RBFOX1: variants seen among roughly 807,000 people sequenced by gnomAD.
RBFOX1 encodes RNA binding protein fox-1 homolog 1.
A neutral mutation model predicts 57.7 loss-of-function variants in RBFOX1; 8 were observed. The ratio of observed to expected loss-of-function variants is 0.14; its 90% CI spans 0.08 to 0.25. The LOEUF (loss-of-function observed/expected upper bound fraction) is 0.25, where lower values mean the gene tolerates loss of function less well. RBFOX1 is among the 10% of genes least tolerant of loss of function. RBFOX1 has a pLI of 1.00. For synonymous variants in RBFOX1, 326 were observed against 222.4 expected (o/e 1.47, Z -4.15); for missense variants, 611 against 548.5 (o/e 1.11, Z -1.14).
chr16:5,856,207 A>ATGTGTATATATATGTATATATATATG (rs1567630990), intron 3 of RBFOX1, among the ~76,000 whole-genome samples: 2 of 31,414 alleles, frequency 6.4e-5, no homozygotes, highest in African/African-American at 2.4e-4. Context: ...ATATATATAT[A>ATGTGTATATATATGTATATATATATG]CATATATATG....
At chr16:7,705,272 C>T (rs561216006) in intron 14 of RBFOX1, among the ~76,000 whole-genome samples, 10 of 152,074 alleles carry the variant, frequency 6.6e-5, no homozygotes, top group Admixed American at 2.0e-4. Context: ...TTTGGGAGGC[C>T]GAGGCAGGAG....
intron 3 of RBFOX1, among the ~76,000 whole-genome samples, chr16:5,799,813 T>C (rs1430916549): frequency 6.6e-6 from 1 of 152,178 alleles, no homozygotes; most frequent in African/African-American, 2.4e-5. Flanking sequence ...TTGTACAAAG[T>C]TGGGTGCCTC....
At chr16:7,567,290 C>T (rs1385106071) in intron 5 of RBFOX1, among the ~76,000 whole-genome samples, 1 of 33,268 alleles carries the variant, frequency 3.0e-5, no homozygotes, top group African/African-American at 8.9e-5. Flanking sequence ...CCTATATATC[C>T]TTATATATGG....
chr16:6,884,164 T>A (rs2063501407), intron 3 of RBFOX1, among the ~76,000 whole-genome samples: 1 of 152,194 alleles, frequency 6.6e-6, no homozygotes, highest in South Asian at 2.1e-4. Flanking sequence ...AGAAGCTGCT[T>A]CCGAGGCCCC....
intron 4 of RBFOX1, among the ~76,000 whole-genome samples, chr16:6,002,941 A>T (rs1006586359): frequency 6.6e-6 from 1 of 152,146 alleles, no homozygotes; most frequent in Admixed American, 6.5e-5. Context: ...AAGGTTGTAG[A>T]TCCTCTGACA....
At chr16:5,247,742 G>C (rs1294129112) in intron 1 of RBFOX1, among the ~76,000 whole-genome samples, 2 of 151,650 alleles carry the variant, frequency 1.3e-5, no homozygotes, top group African/African-American at 4.9e-5. Flanking sequence ...TCTGGCCCTC[G>C]AGAGAAACAA....
intron 15 of RBFOX1, chr16:7,710,120 T>C: frequency 3.0e-6 from 3 of 1,012,234 alleles, no homozygotes; most frequent in Non-Finnish European, 3.5e-6. Context: ...AAGCAATTCA[T>C]CTGTACAACT....
intron 1 of RBFOX1, among the ~76,000 whole-genome samples, chr16:6,172,459 C>G (rs115328944): frequency 0.013 from 1,993 of 152,280 alleles, 53 homozygotes; most frequent in African/African-American, 0.046. Context: ...CACTTCCCAT[C>G]TTCCTTGGCT....
chr16:7,165,454 A>C (rs2079272145), intron 4 of RBFOX1, among the ~76,000 whole-genome samples: 1 of 148,028 alleles, frequency 6.8e-6, no homozygotes, highest in Non-Finnish European at 1.5e-5. Flanking sequence ...TTTGAGATGG[A>C]GTTTCGCTCT....
intron 4 of RBFOX1, among the ~76,000 whole-genome samples, chr16:7,506,945 AT>A (rs2073526465): frequency 6.6e-6 from 1 of 152,198 alleles, no homozygotes; most frequent in Non-Finnish European, 1.5e-5. Context: ...AGTGGGACAT[AT>A]GTGCATACAG....
At chr16:5,952,819 A>T (rs1396986603) in intron 4 of RBFOX1, among the ~76,000 whole-genome samples, 3 of 152,150 alleles carry the variant, frequency 2.0e-5, no homozygotes, top group Non-Finnish European at 4.4e-5. Context: ...TCCCATACTG[A>T]CCTGATGACC....
chr16:6,379,271 G>A (rs149341217), intron 2 of RBFOX1, among the ~76,000 whole-genome samples: 1 of 152,168 alleles, frequency 6.6e-6, no homozygotes, highest in Non-Finnish European at 1.5e-5. Flanking sequence ...TCAAAACCAT[G>A]ACAGTGAAAG....
chr16:7,284,665 G>T lies in RBFOX1; in HGVS notation c.27+232567G>T, dbSNP rs527256591. On this transcript the variant is annotated intron_variant, in intron 4 of 15. Coordinates refer to ENST00000550418, the MANE Select transcript of RBFOX1 (RefSeq NM_018723.4). ...TTCATAAAGATGTTTTTTAAGAGAG[G>T]CAGAGGACAGAGTGGTAGTTTCGGT... is the stretch of plus-strand genomic sequence containing the variant. 2.0e-5 allele frequency among the ~76,000 whole-genome samples: 3 copies of T among 152,286 alleles called. No individual in the cohort carries two copies. In the East Asian group the frequency reaches 5.8e-4, roughly 29 times the overall value.
At chr16:7,235,344 T>A (rs1376727405) in intron 4 of RBFOX1, among the ~76,000 whole-genome samples, 5 of 152,158 alleles carry the variant, frequency 3.3e-5, no homozygotes. Flanking sequence ...TATTTTTGGC[T>A]CTTGGCTTAG....
At chr16:6,066,357 G>T (rs367926562) in intron 1 of RBFOX1, among the ~76,000 whole-genome samples, 5 of 108,892 alleles carry the variant, frequency 4.6e-5, no homozygotes, top group Admixed American at 9.5e-5. Context: ...AGGGTAAATA[G>T]AAAGCACTAA....
intron 2 of RBFOX1, among the ~76,000 whole-genome samples, chr16:5,524,054 C>T (rs1274643328): frequency 6.6e-6 from 1 of 152,166 alleles, no homozygotes; most frequent in African/African-American, 2.4e-5. Context: ...GTGCTGTTTG[C>T]AATTTAAAGG....
At chr16:5,791,391 C>T (rs74006298) in intron 3 of RBFOX1, among the ~76,000 whole-genome samples, 2,174 of 152,222 alleles carry the variant, frequency 0.014, 46 homozygotes, top group African/African-American at 0.049. Flanking sequence ...TATTTTAAGG[C>T]CTTTACATGC....
chr16:7,089,271 A>C (rs1202281357), intron 4 of RBFOX1, among the ~76,000 whole-genome samples: 1 of 152,208 alleles, frequency 6.6e-6, no homozygotes, highest in Admixed American at 6.5e-5. Context: ...TGAAATATAA[A>C]ATCACTAGTT....
At chr16:7,293,862 C>T (rs972219247) in intron 4 of RBFOX1, among the ~76,000 whole-genome samples, 28 of 152,046 alleles carry the variant, frequency 1.8e-4, no homozygotes, top group African/African-American at 6.5e-4. Context: ...CTAAGAATTC[C>T]TGGGGTGTCT....
Sources: allele counts gnomAD v4.1 joint callset (sites outside exome capture counted in the v4.1 genomes callset), GRCh38; gene constraint gnomAD v4.1.1; transcripts MANE v1.5; gene names NCBI Gene and HGNC (gene_info 2026-07-23, HGNC 2026-07-21).